The following NOS3 variants were observed in gnomAD, a reference collection of about 807,000 sequenced individuals.
NOS3 encodes the protein nitric oxide synthase 3.
In NOS3, 98 loss-of-function variants were observed where a neutral mutation model predicts 144.9. The ratio of observed to expected loss-of-function variants is 0.68; its 90% confidence interval spans 0.57 to 0.80. The LOEUF (loss-of-function observed/expected upper bound fraction) is 0.80. Ranked by LOEUF, NOS3 falls within the 30% of genes least tolerant of loss-of-function variation. NOS3 has a pLI of 0.00. For missense variants in NOS3, 1,465 were observed against 1,656.4 expected (o/e 0.88, Z 2.01); for synonymous variants, 714 against 702.4 (o/e 1.02, Z -0.26).
In NOS3 at chr7:151,002,039, G is replaced by A. The variant is rs1795116732; in HGVS notation, c.1647+74G>A. On this transcript the variant is annotated intron_variant, in intron 13 of 26. Coordinates refer to ENST00000297494, the MANE Select transcript of NOS3 (RefSeq NM_000603.5). This position sits in a 1 kb window ranked among gnomAD's most constrained non-coding sequence, Gnocchi z 4.1. ...CAGCATCTTCAGGGGTGCCCTGGAG[G>A]ACAGGAAGTGTTACAAGTCAGGACT... 2 of 1,567,436 alleles carry A rather than the reference G, an allele frequency of 1.3e-6. No homozygotes were observed. Among genetic ancestry groups the A allele is most frequent in the South Asian group, 2.3e-5 (2 of 88,352 alleles).
In NOS3 at chr7:151,010,635, C is replaced by T. The variant is rs758647530; in HGVS notation, c.2724C>T (p.Cys908=). The stretch of plus-strand genomic sequence containing the variant: ...ACGAGGAGTGGAAGTGGTTCCGCTG[C>T]CCCACGCTGCTGGAGGTGCTGGAGC... The part of the protein sequence containing the change: ...RRYEEWKWFR[C]PTLLEVLEQF... The change falls in exon 22 of 27, where the codon TGC becomes TGT. Residue 908 remains cysteine, a synonymous_variant. Coordinates refer to ENST00000297494, the MANE Select transcript of NOS3 (RefSeq NM_000603.5). The T allele has an allele frequency of 6.2e-7, 1 of 1,604,500 alleles. No homozygotes were observed. The highest frequency in any genetic ancestry group is 8.5e-7 in the Non-Finnish European group (1 of 1,175,818).
intron 2 of NOS3, among the ~76,000 whole-genome samples, chr7:150,994,278 G>A (rs1275329363): frequency 6.6e-6 from 1 of 152,168 alleles, no homozygotes; most frequent in African/African-American, 2.4e-5. Flanking sequence ...TATATAAAAC[G>A]AGATATGGCA....
In NOS3 at chr7:150,993,840, C is replaced by T. The variant is rs925565610; in HGVS notation, c.37C>T (p.Pro13Ser). 1.8e-5 allele frequency: 29 copies of T among 1,600,310 alleles called. No individual in the cohort carries two copies. Among genetic ancestry groups the T allele is most frequent in the East Asian group, 2.2e-5 (1 of 44,720 alleles). ...NLKSVAQEPGPPCGLGLGLGL... is the reference protein window; with the variant it reads ...NLKSVAQEPGSPCGLGLGLGL... ...GAAGAGCGTGGCCCAGGAGCCTGGGCCACCCTGCGGCCTGGGGCTGGGGCT... is the reference window on the plus strand; with the variant it reads ...GAAGAGCGTGGCCCAGGAGCCTGGGTCACCCTGCGGCCTGGGGCTGGGGCT... Residue 13 changes from proline (P) to serine (S), a missense_variant, in exon 2 of 27, where the codon CCA (proline) becomes TCA (serine). Physicochemically the swap from Pro to Ser is moderately conservative, Grantham distance 74. Transcript: ENST00000297494. The surrounding 1 kb of genome is among the most constrained non-coding windows in gnomAD (Gnocchi z 4.0).
intron 3 of NOS3, 56 bp from the exon 4 acceptor site, chr7:150,996,346 ACT>A: frequency 4.6e-6 from 2 of 435,902 alleles, no homozygotes; most frequent in Non-Finnish European, 6.3e-6. Flanking sequence ...CCTGCCCCCA[ACT>A]CCCATCCCAC....
rs1197417954 is a variant in NOS3, at chr7:150,993,682, C to T, written c.-51-71C>T. On this transcript the variant is annotated intron_variant, in intron 1 of 26. Transcript: ENST00000297494. The surrounding 1 kb of genome is among the most constrained non-coding windows in gnomAD (Gnocchi z 4.0). ...TGTCCCATTGTGTATGGGATAGGGG[C>T]GGGGCGAGGGCCAGCACTGGAGAGC... 7.3e-6 allele frequency: 7 copies of T among 961,930 alleles called. No homozygotes were observed. The highest frequency in any genetic ancestry group is 9.2e-6 in the Non-Finnish European group (6 of 655,356). The allele number at this position is 961,930 out of a possible 1,614,324, so 59.6% of individuals were successfully genotyped here.
At position 151,013,925 on chromosome 7, in the gene NOS3, A is replaced by AGGG. The variant is rs745851068; in HGVS notation, c.3450+9_3450+11dup. On this transcript the variant is annotated splice_region_variant and intron_variant, in intron 26 of 26. Coordinates refer to ENST00000297494, the MANE Select transcript of NOS3 (RefSeq NM_000603.5). ...CGTCATCGGCGTGCTGCGGGTGCGG[A>AGGG]GGGGCGGGCCGGGCCTGAGCGTGCG... 7 of 1,598,780 alleles carry AGGG rather than the reference A, an allele frequency of 4.4e-6. No individual in the cohort carries two copies. The highest frequency in any genetic ancestry group is 6.0e-6 in the Non-Finnish European group (7 of 1,172,864).
intron 17 of NOS3, 132 bp downstream of exon 17, chr7:151,007,408 G>A: frequency 9.7e-7 from 1 of 1,030,114 alleles, no homozygotes; most frequent in Non-Finnish European, 1.4e-6. Context: ...TCTCTCCATG[G>A]CATAGCCAGC....
chr7:151,002,119 G>A lies in NOS3; in HGVS notation c.1648-81G>A, dbSNP rs930322019. 31 of 1,400,432 alleles carry A rather than the reference G, an allele frequency of 2.2e-5. No individual in the cohort carries two copies. Among genetic ancestry groups the A allele is most frequent in the Non-Finnish European group, 2.9e-5 (29 of 1,010,204 alleles). The allele number at this position is 1,400,432 out of a possible 1,614,324, so 86.8% of individuals were successfully genotyped here. ...GAGATCAAGTTGGGGCCTGAATCTT[G>A]CACTGCCAGGGAGGCCAGAGTGAGG... On this transcript the variant is annotated intron_variant, in intron 13 of 26. Transcript: ENST00000297494. This position sits in a 1 kb window ranked among gnomAD's most constrained non-coding sequence, Gnocchi z 4.1.
chr7:150,996,503 C>T lies in NOS3; in HGVS notation c.370C>T (p.Leu124=), dbSNP rs1245163746. ...SPGPPAPEQL[L]SQARDFINQY... is the part of the protein sequence containing the mutation. ...CGGCCCCCCGGCCCCTGAGCAGCTG[C>T]TGAGTCAGGCCCGGGACTTCATCAA... is the stretch of plus-strand genomic sequence containing the variant. Residue 124 remains leucine (L), a synonymous_variant, in exon 4 of 27, where the codon CTG becomes TTG. Coordinates refer to ENST00000297494, the MANE Select transcript of NOS3 (RefSeq NM_000603.5). The T allele has an allele frequency of 6.2e-7, 1 of 1,606,712 alleles. No individual in the cohort carries two copies. Among genetic ancestry groups the T allele is most frequent in the Non-Finnish European group, 8.5e-7 (1 of 1,178,124 alleles).
Position 151,014,134 on chromosome 7 carries a change from T to C in NOS3, c.3577T>C (p.Phe1193Leu), listed in dbSNP as rs1285918885. ...GTTGCGGGGCGCAGTGCCCTGGGCG[T>C]TCGACCCTCCCGGCTCAGACACCAA... ...RQLRGAVPWA[F>L]DPPGSDTNSP Residue 1193 changes from phenylalanine (F) to leucine (L), a missense_variant, in exon 27 of 27, where the codon TTC becomes CTC. By Grantham distance (22) the Phe-to-Leu change is conservative. Around this residue, in one of 5 missense-constraint regions of NOS3, gnomAD observed 228 missense variants for 227.7 expected, o/e 1.00. Transcript: ENST00000297494. 2.5e-6 allele frequency: 4 copies of C among 1,611,364 alleles called. No individual in the cohort carries two copies. The highest frequency in any genetic ancestry group is 3.4e-6 in the Non-Finnish European group (4 of 1,178,384).
Position 150,993,351 on chromosome 7 carries a change from C to T in NOS3, c.-51-402C>T, listed in dbSNP as rs1323080907. ...GGTCACTGAGAGTGTGGGCTGCCAT[C>T]CCCTGCTACAGAAACGGTGCTCACC... is the stretch of plus-strand genomic sequence containing the variant. On this transcript the variant is annotated intron_variant, in intron 1 of 26. Transcript: ENST00000297494. This position sits in a 1 kb window ranked among gnomAD's most constrained non-coding sequence, Gnocchi z 4.0. Among the ~76,000 whole-genome samples the T allele has an allele frequency of 1.3e-5, 2 of 152,162 alleles. No homozygotes were observed. The highest frequency in any genetic ancestry group is 4.8e-5 in the African/African-American group (2 of 41,434).
In NOS3 at chr7:151,008,925, C is replaced by T. The variant is rs1795247396; in HGVS notation, c.2113-5C>T. ...GTCCTCAGCCCTCACCGGCCTGTCC[C>T]GCAGGCCGCCTGTGAGACCTTCTGT... On this transcript the variant is annotated splice_polypyrimidine_tract_variant and splice_region_variant and intron_variant, in intron 17 of 26. Coordinates refer to ENST00000297494, the MANE Select transcript of NOS3 (RefSeq NM_000603.5). The T allele has an allele frequency of 6.2e-7, 1 of 1,606,334 alleles. No individual in the cohort carries two copies. Among genetic ancestry groups the T allele is most frequent in the Non-Finnish European group, 8.5e-7 (1 of 1,177,470 alleles).
intron 14 of NOS3, among the ~76,000 whole-genome samples, chr7:151,005,536 T>C (rs547679498): frequency 2.0e-5 from 3 of 152,336 alleles, no homozygotes; most frequent in Admixed American, 6.5e-5. Context: ...GATTTTGCTC[T>C]AGCCGTTGTT....
chr7:151,007,769 A>G (rs1040294716), intron 17 of NOS3, among the ~76,000 whole-genome samples: 1 of 152,248 alleles, frequency 6.6e-6, no homozygotes, highest in Non-Finnish European at 1.5e-5. Flanking sequence ...AAGCAAGCAC[A>G]GGGAGAGGTG....
chr7:151,007,255 C>G lies in NOS3; in HGVS notation c.2091C>G (p.Gly697=). The change falls in exon 17 of 27, where the codon GGC becomes GGG. Residue 697 remains glycine, a synonymous_variant. Coordinates refer to ENST00000297494, the MANE Select transcript of NOS3 (RefSeq NM_000603.5). ...GCGGCCAGGAGGAGGCCTTCCGAGG[C>G]TGGGCCCAGGCTGCCTTCCAGGTGA... ...ELCGQEEAFR[G]WAQAAFQAAC... is the part of the protein sequence containing the mutation. 6.2e-7 allele frequency: 1 copy of G among 1,602,746 alleles called. No homozygotes were observed. The highest frequency in any genetic ancestry group is 1.1e-5 in the South Asian group (1 of 90,812).
chr7:150,995,108 A>C, intron 2 of NOS3, 95 bp from the exon 3 acceptor site: 1 of 644,984 alleles, frequency 1.6e-6, no homozygotes, highest in Non-Finnish European at 2.7e-6. Context: ...GGGCTGTGAG[A>C]TCGCCAGTGC....
chr7:151,006,435 AG>A lies in NOS3; in HGVS notation c.1762del (p.Ala588LeufsTer3), dbSNP rs758033510. On this transcript the variant is annotated frameshift_variant, in exon 15 of 27. Transcript: ENST00000297494. LOFTEE classifies it high-confidence loss of function. Reference protein sequence around the residue: ...DPPENGESFAAALMEMSGPYN... With the variant: ...DPPENGESFAXALMEMSGPYN... ...AACACTCCCCTCGCCAGAGCTTTGC[AG>A]CTGCCCTGATGGAGATGTCCGGCCC... is the stretch of plus-strand genomic sequence containing the variant. 6.2e-7 allele frequency: 1 copy of A among 1,613,946 alleles called. No homozygotes were observed. Among genetic ancestry groups the A allele is most frequent in the Admixed American group, 1.7e-5 (1 of 60,000 alleles).
chr7:150,997,636 C>T (rs956492353), intron 5 of NOS3, among the ~76,000 whole-genome samples: 1 of 152,220 alleles, frequency 6.6e-6, no homozygotes, highest in African/African-American at 2.4e-5. Flanking sequence ...TGAAATAAAG[C>T]CACGTGCCCA....
At position 151,002,433 on chromosome 7, in the gene NOS3, C is replaced by T. The variant is rs1795129826; in HGVS notation, c.1752+129C>T. 9.4e-6 allele frequency: 5 copies of T among 530,896 alleles called. No homozygotes were observed. The highest frequency in any genetic ancestry group is 8.7e-5 in the South Asian group (4 of 45,924). The allele number at this position is 530,896 out of a possible 1,614,324, so 32.9% of individuals were successfully genotyped here. A position where few individuals can be genotyped will look rare whatever the true frequency, so the allele number is the denominator to read the frequency against. On this transcript the variant is annotated intron_variant, in intron 14 of 26. Transcript: ENST00000297494. The surrounding 1 kb of genome is among the most constrained non-coding windows in gnomAD (Gnocchi z 4.1). ...ACACACACACACACACACACACACA[C>T]ACACACACACACACACACACGCCAG...
Sources: gnomAD v4.1 joint callset for allele counts (sites outside exome capture counted in the v4.1 genomes callset) on GRCh38, gnomAD v4.1.1 for gene constraint, gnomAD v4.1.1 regional missense constraint, Gnocchi (gnomAD v3.1) non-coding constraint, MANE v1.5 for transcripts, NCBI Gene and HGNC (gene_info 2026-07-23, HGNC 2026-07-21) for gene names.